LMTK2: variants seen among roughly 807,000 people sequenced by gnomAD.
LMTK2 encodes the protein serine/threonine-protein kinase LMTK2.
In LMTK2, 37 loss-of-function variants were observed where a neutral mutation model predicts 127.5. The observed-to-expected ratio is 0.29, with a 90% confidence interval of 0.22 to 0.38. LMTK2 has a LOEUF of 0.38. LMTK2 is among the 10% of genes least tolerant of loss of function. The pLI, the probability that LMTK2 is intolerant of heterozygous loss-of-function variation, is 1.00. For missense variants in LMTK2, 1,694 were observed against 1,920.3 expected (o/e 0.88, Z 2.20); for synonymous variants, 819 against 810.1 (o/e 1.01, Z -0.19).
chr7:98,182,055 A>G (rs529511134), intron 7 of LMTK2, among the ~76,000 whole-genome samples: 2 of 152,330 alleles, frequency 1.3e-5, no homozygotes, highest in East Asian at 3.9e-4. Context: ...CCACATGCAA[A>G]AAATGAAGTT....
At chr7:98,145,066 G>A (rs62479798) in intron 3 of LMTK2, among the ~76,000 whole-genome samples, 15,466 of 151,970 alleles carry the variant, frequency 0.1, 1,074 homozygotes, top group Non-Finnish European at 0.15. Flanking sequence ...TTATAATTTT[G>A]GTGGGTCTTG....
chr7:98,126,231 G>A (rs1351547076), intron 1 of LMTK2, among the ~76,000 whole-genome samples: 1 of 152,208 alleles, frequency 6.6e-6, no homozygotes, highest in African/African-American at 2.4e-5. Context: ...ACGAAGTGTT[G>A]TGAATCTAGT....
chr7:98,194,048 G>C lies in LMTK2; in HGVS notation c.3583G>C (p.Glu1195Gln), dbSNP rs775475229. 1.7e-5 allele frequency: 28 copies of C among 1,614,050 alleles called. No homozygotes were observed. The highest frequency in any genetic ancestry group is 1.9e-5 in the Non-Finnish European group (23 of 1,180,052). ...TGVPQQVHPT[E>Q]DEASSPWSVL... ...TGTTCCCCAGCAGGTGCATCCCACGGAAGACGAGGCCAGCAGTCCCTGGAG... is the reference window on the plus strand; with the variant it reads ...TGTTCCCCAGCAGGTGCATCCCACGCAAGACGAGGCCAGCAGTCCCTGGAG... Residue 1195 changes from glutamate to glutamine, a missense_variant, in exon 11 of 14, where the codon GAA becomes CAA. Around this residue, in one of 8 missense-constraint regions of LMTK2, gnomAD observed 554 missense variants for 567.7 expected, o/e 0.98. Transcript: ENST00000297293. This position sits in a 1 kb window ranked among gnomAD's most constrained non-coding sequence, Gnocchi z 5.4.
intron 6 of LMTK2, among the ~76,000 whole-genome samples, chr7:98,170,359 A>T (rs1797164215): frequency 6.6e-6 from 1 of 152,212 alleles, no homozygotes; most frequent in South Asian, 2.1e-4. Context: ...CTTGGAGTGG[A>T]CCTAGAAGTT....
Position 98,204,099 on chromosome 7 carries a change from G to T in LMTK2, c.4396G>T (p.Ala1466Ser). 1 of 1,613,296 alleles carries T rather than the reference G, an allele frequency of 6.2e-7. No individual in the cohort carries two copies. Residue 1466 changes from alanine (A) to serine (S), a missense_variant, in exon 13 of 14, where the codon GCG (alanine) becomes TCG (serine). Physicochemically the swap from Ala to Ser is moderately conservative, Grantham distance 99. Coordinates refer to ENST00000297293, the MANE Select transcript of LMTK2 (RefSeq NM_014916.4). ...RSTEQSWPHS[A>S]PYSRFSISPA... is the part of the protein sequence containing the mutation. ...CACGGAGCAGAGCTGGCCGCACTCG[G>T]CGCCTTACTCCCGGTTCTCCATCTC...
At chr7:98,116,193 CT>C (rs1229002944) in intron 1 of LMTK2, among the ~76,000 whole-genome samples, 1 of 152,164 alleles carries the variant, frequency 6.6e-6, no homozygotes, top group Non-Finnish European at 1.5e-5. Flanking sequence ...AGTGTCCGGC[CT>C]ACATCATTGT....
At position 98,194,177 on chromosome 7, in the gene LMTK2, T is replaced by C; in HGVS notation, c.3712T>C (p.Tyr1238His). ...TGTNTNELLAYTNSALDKSLS... is the reference protein window; with the variant it reads ...TGTNTNELLAHTNSALDKSLS... ...GACCAACACGAACGAACTCCTTGCC[T>C]ACACCAATTCTGCGCTGGACAAGTC... is the stretch of plus-strand genomic sequence containing the variant. Residue 1238 changes from tyrosine to histidine, a missense_variant, in exon 11 of 14, where the codon TAC becomes CAC. Around this residue, in one of 8 missense-constraint regions of LMTK2, gnomAD observed 554 missense variants for 567.7 expected, o/e 0.98. Transcript: ENST00000297293. This position sits in a 1 kb window ranked among gnomAD's most constrained non-coding sequence, Gnocchi z 5.4. 1.9e-6 allele frequency: 3 copies of C among 1,613,936 alleles called. No individual in the cohort carries two copies. The highest frequency in any genetic ancestry group is 2.5e-6 in the Non-Finnish European group (3 of 1,179,996).
chr7:98,139,343 G>A (rs531085312), intron 2 of LMTK2, among the ~76,000 whole-genome samples: 20 of 152,224 alleles, frequency 1.3e-4, no homozygotes, highest in African/African-American at 4.6e-4. Context: ...TTGAACTACT[G>A]GGCTCAAGTG....
chr7:98,174,104 TAAAAA>T (rs11351887), intron 7 of LMTK2, among the ~76,000 whole-genome samples: 2 of 117,896 alleles, frequency 1.7e-5, no homozygotes, highest in Admixed American at 8.1e-5. Context: ...CATTTTGTTG[TAAAAA>T]AAAAAAAAAA....
At chr7:98,113,933 CTTT>C (rs35638586) in intron 1 of LMTK2, among the ~76,000 whole-genome samples, 5 of 141,736 alleles carry the variant, frequency 3.5e-5, no homozygotes, top group East Asian at 2.0e-4. Context: ...TTATTAAATT[CTTT>C]TTTTTTTTTT....
chr7:98,127,848 A>T (rs1191063982), intron 1 of LMTK2, among the ~76,000 whole-genome samples: 1 of 152,212 alleles, frequency 6.6e-6, no homozygotes, highest in Admixed American at 6.5e-5. Flanking sequence ...TACACTTAAA[A>T]ATAAAAAATT....
intron 3 of LMTK2, among the ~76,000 whole-genome samples, chr7:98,148,629 G>C (rs1372828961): frequency 6.6e-6 from 1 of 152,032 alleles, no homozygotes; most frequent in African/African-American, 2.4e-5. Context: ...GCCAATTTTT[G>C]TTTCTTTGCA....
chr7:98,113,233 G>C (rs541165463), intron 1 of LMTK2, among the ~76,000 whole-genome samples: 1 of 152,264 alleles, frequency 6.6e-6, no homozygotes, highest in South Asian at 2.1e-4. Flanking sequence ...CACAAGATCT[G>C]ATGGTTTTGT....
rs547559204 is a variant in LMTK2 at position 98,204,133 on chromosome 7, A to G, written c.4430A>G (p.Asn1477Ser). Residue 1477 changes from asparagine (N) to serine (S), a missense_variant, in exon 13 of 14, where the codon AAC (asparagine) becomes AGC (serine). By Grantham distance (46) the Asn-to-Ser change is conservative (BLOSUM62 1). Coordinates refer to ENST00000297293, the MANE Select transcript of LMTK2 (RefSeq NM_014916.4). Reference sequence around the variant, plus strand: ...TCCCGGTTCTCCATCTCTCCCGCCAACATTGCCAGCTTTTCCCTCACACAC... The same window carrying G: ...TCCCGGTTCTCCATCTCTCCCGCCAGCATTGCCAGCTTTTCCCTCACACAC... ...PYSRFSISPA[N>S]IASFSLTHLT... 5.6e-6 allele frequency: 9 copies of G among 1,611,674 alleles called. No individual in the cohort carries two copies. In the African/African-American group the frequency reaches 6.7e-5, roughly 12 times the overall value.
At chr7:98,118,148 T>C (rs912851259) in intron 1 of LMTK2, among the ~76,000 whole-genome samples, 2 of 152,240 alleles carry the variant, frequency 1.3e-5, no homozygotes, top group African/African-American at 4.8e-5. Context: ...ACTCTGTCCA[T>C]GTTTTCTCCC....
chr7:98,190,398 GT>G (rs1429949582), intron 9 of LMTK2, among the ~76,000 whole-genome samples: 2 of 152,166 alleles, frequency 1.3e-5, no homozygotes, highest in East Asian at 3.9e-4. Flanking sequence ...CCTGGCCAAC[GT>G]GGTGAAACCC....
chr7:98,204,265 A>C lies in LMTK2; in HGVS notation c.4483+79A>C, dbSNP rs1330013637. The C allele has an allele frequency of 9.8e-6, 15 of 1,538,142 alleles. No homozygotes were observed. The East Asian group carries it at 3.2e-4, about 32-fold the overall frequency. On this transcript the variant is annotated intron_variant, in intron 13 of 13. Coordinates refer to ENST00000297293, the MANE Select transcript of LMTK2 (RefSeq NM_014916.4). The stretch of plus-strand genomic sequence containing the variant: ...TGCAGCTGGGAGATGGTGGTTTTGC[A>C]GGCCTGATAATCTCATGTCTTCTTC...
intron 11 of LMTK2, among the ~76,000 whole-genome samples, chr7:98,202,031 C>T (rs750651812): frequency 5.7e-4 from 87 of 152,270 alleles, no homozygotes; most frequent in Middle Eastern, 3.4e-3. Context: ...CTGCCCCACG[C>T]CCTGTCTCCT....
chr7:98,201,584 G>C (rs1348894583), intron 11 of LMTK2, among the ~76,000 whole-genome samples: 1 of 148,072 alleles, frequency 6.8e-6, no homozygotes, highest in South Asian at 2.2e-4. Context: ...TCTGAGGGTG[G>C]ATTTCTTCGT....
Sources: gnomAD v4.1 joint callset for allele counts (sites outside exome capture counted in the v4.1 genomes callset) on GRCh38, gnomAD v4.1.1 for gene constraint, gnomAD v4.1.1 regional missense constraint, Gnocchi (gnomAD v3.1) non-coding constraint, MANE v1.5 for transcripts, NCBI Gene and HGNC (gene_info 2026-07-23, HGNC 2026-07-21) for gene names.